The following LIX1 variants were observed in gnomAD, a reference collection of about 807,000 sequenced individuals.
The protein encoded by LIX1 is limb and CNS expressed 1.
LIX1 carries 24 observed loss-of-function variants against 33.4 expected under a neutral mutation model. The ratio of observed to expected loss-of-function variants is 0.72; its 90% CI spans 0.52 to 1.01. The LOEUF is 1.01. Among genes scored for constraint, LIX1 ranks in the 50% least tolerant of loss-of-function variants. The pLI is 0.00. For synonymous variants in LIX1, 124 were observed against 124.0 expected, an observed-to-expected ratio of 1.00 and a Z score of 0.00; for missense variants, 311 against 339.2, an observed-to-expected ratio of 0.92 and a Z score of 0.65.
At chr5:97,115,077 CT>C (rs978307564) in intron 2 of LIX1, among the ~76,000 whole-genome samples, 7 of 152,320 alleles carry the variant, frequency 4.6e-5, no homozygotes, top group African/African-American at 1.7e-4. Flanking sequence ...CTCAATTTCA[CT>C]TCTCTGCTTA....
intron 1 of LIX1, among the ~76,000 whole-genome samples, chr5:97,127,126 G>A (rs1747946487): frequency 6.6e-6 from 1 of 152,150 alleles, no homozygotes. Flanking sequence ...ATGTCCTAAA[G>A]ATTGAAGACT....
intron 1 of LIX1, among the ~76,000 whole-genome samples, chr5:97,135,489 C>T (rs1299369134): frequency 1.3e-5 from 2 of 152,144 alleles, no homozygotes; most frequent in Admixed American, 6.5e-5. Context: ...ATATCTTTCT[C>T]ACATTCTATT....
At chr5:97,105,056 G>A (rs1746939064) in intron 4 of LIX1, 134 bp downstream of exon 4, 1 of 728,972 alleles carries the variant, frequency 1.4e-6, no homozygotes, top group Non-Finnish European at 2.4e-6. Context: ...ATTCCAGGAG[G>A]GTTAGATTAA....
intron 1 of LIX1, among the ~76,000 whole-genome samples, chr5:97,126,137 A>C (rs1747914198): frequency 6.6e-6 from 1 of 152,238 alleles, no homozygotes; most frequent in South Asian, 2.1e-4. Flanking sequence ...TAAACAGTCA[A>C]CACTCATGTT....
rs116054307 is a variant in LIX1, at chr5:97,127,093, T to A, written c.83-2464A>T. On this transcript the variant is annotated intron_variant, in intron 1 of 5. Coordinates refer to ENST00000274382, the MANE Select transcript of LIX1 (RefSeq NM_153234.5). ...AGCTGACTTGAGTCTCTGCTTGCAG[T>A]TGACCTCCAGAAGTCAGCAGAGATG... Among the ~76,000 whole-genome samples the A allele has an allele frequency of 6.9e-3, 1,046 of 152,312 alleles. 4 individuals are homozygous for A. The highest frequency in any genetic ancestry group is 0.011 in the Admixed American group (171 of 15,302).
intron 3 of LIX1, 86 bp downstream of exon 3, chr5:97,107,274 A>T (rs559100888): frequency 3.6e-5 from 47 of 1,316,870 alleles, no homozygotes; most frequent in Non-Finnish European, 4.9e-5. Context: ...TAAAATAAGA[A>T]TTTGCTCATG....
chr5:97,105,396 A>T lies in LIX1; in HGVS notation c.388-111T>A, dbSNP rs138569217. On this transcript the variant is annotated intron_variant, in intron 3 of 5. Coordinates refer to ENST00000274382, the MANE Select transcript of LIX1 (RefSeq NM_153234.5). ...GTAAGCCTATTTTTGGTCTAACCTG[A>T]ACAGATGTTCACAACCAAGTCTCCA... The T allele has an allele frequency of 1.1e-5, 9 of 786,528 alleles. No homozygotes were observed. In the East Asian group the frequency reaches 2.4e-4, roughly 21 times the overall value. The allele number at this position is 786,528 out of a possible 1,614,324, so 48.7% of individuals were successfully genotyped here. A position where few individuals can be genotyped will look rare whatever the true frequency, so the allele number is the denominator to read the frequency against.
intron 4 of LIX1, chr5:97,101,939 A>G (rs1746724093): frequency 6.6e-6 from 1 of 152,004 alleles, no homozygotes; most frequent in African/African-American, 2.4e-5. Context: ...TAAATAAACA[A>G]CTCTTCCTTG....
chr5:97,098,151 TAATG>T (rs1170122236), intron 4 of LIX1, among the ~76,000 whole-genome samples: 2 of 152,234 alleles, frequency 1.3e-5, no homozygotes, highest in Non-Finnish European at 2.9e-5. Flanking sequence ...ATAAAGCATA[TAATG>T]AACAAACTAC....
intron 2 of LIX1, among the ~76,000 whole-genome samples, chr5:97,120,224 A>G (rs1747744557): frequency 6.6e-6 from 1 of 152,198 alleles, no homozygotes; most frequent in Non-Finnish European, 1.5e-5. Context: ...GAATGATCTT[A>G]GCTGACTATT....
At position 97,099,958 on chromosome 5, in the gene LIX1, A is replaced by G. The variant is rs1011578666; in HGVS notation, c.484-3071T>C. On this transcript the variant is annotated intron_variant, in intron 4 of 5. Coordinates refer to ENST00000274382, the MANE Select transcript of LIX1 (RefSeq NM_153234.5). Reference sequence around the variant, plus strand: ...ATTTTGTGGCTTCCTATAGCTATCTATCTTGGCATTGTTCTTGCATCCTTG... The same window carrying G: ...ATTTTGTGGCTTCCTATAGCTATCTGTCTTGGCATTGTTCTTGCATCCTTG... Among the ~76,000 whole-genome samples, 4 of 152,166 alleles carry G rather than the reference A, an allele frequency of 2.6e-5. No individual in the cohort carries two copies. The East Asian group carries it at 7.7e-4, about 29-fold the overall frequency.
rs31014 is a variant in LIX1 at position 97,105,892 on chromosome 5, C to T, written c.388-607G>A. On this transcript the variant is annotated intron_variant, in intron 3 of 5. Coordinates refer to ENST00000274382, the MANE Select transcript of LIX1 (RefSeq NM_153234.5). ...GGGGAATGGCGCTAAGAAGCTAACA[C>T]GACTCTGGCGTGGCTTTTGGGCCAG... 5.8e-4 allele frequency among the ~76,000 whole-genome samples: 88 copies of T among 152,300 alleles called. 2 individuals are homozygous for T. The South Asian group carries it at 8.9e-3, about 15-fold the overall frequency.
At chr5:97,103,123 C>T (rs1480931620) in intron 4 of LIX1, 2 of 438,874 alleles carry the variant, frequency 4.6e-6, no homozygotes, top group Admixed American at 5.1e-5. Context: ...AGTTTATATT[C>T]TTTCTCTTGA....
chr5:97,126,703 G>A (rs1477675105), intron 1 of LIX1, among the ~76,000 whole-genome samples: 1 of 142,926 alleles, frequency 7.0e-6, no homozygotes, highest in East Asian at 2.1e-4. Flanking sequence ...GCAGTGGCAC[G>A]ATCTCGGCTC....
intron 1 of LIX1, among the ~76,000 whole-genome samples, chr5:97,128,686 A>G (rs1294133245): frequency 1.3e-5 from 2 of 152,186 alleles, no homozygotes; most frequent in African/African-American, 4.8e-5. Flanking sequence ...TGATGTTATC[A>G]TCTACCTAGT....
At chr5:97,137,104 C>A (rs1325622009) in intron 1 of LIX1, 2 of 445,632 alleles carry the variant, frequency 4.5e-6, no homozygotes, top group Admixed American at 4.8e-5. Flanking sequence ...AGAAACTCAC[C>A]CTTATGCATC....
intron 1 of LIX1, 121 bp from the exon 2 acceptor site, chr5:97,124,750 A>T (rs1747874793): frequency 1.5e-6 from 1 of 661,282 alleles, no homozygotes; most frequent in Non-Finnish European, 2.5e-6. Flanking sequence ...AGAGCTGGGT[A>T]TGTGGATAGT....
At chr5:97,127,831 G>A (rs144614946) in intron 1 of LIX1, among the ~76,000 whole-genome samples, 439 of 152,288 alleles carry the variant, frequency 2.9e-3, no homozygotes, top group African/African-American at 9.9e-3. Flanking sequence ...GCTACCAAGT[G>A]TGCAATATCC....
At chr5:97,141,283 G>A (rs531053787) in intron 1 of LIX1, among the ~76,000 whole-genome samples, 6 of 152,036 alleles carry the variant, frequency 3.9e-5, no homozygotes, top group Admixed American at 2.0e-4. Context: ...TCCCCTTTTC[G>A]CTTAAAAAAC....
Sources: gnomAD v4.1 joint callset for allele counts (sites outside exome capture counted in the v4.1 genomes callset) on GRCh38, gnomAD v4.1.1 for gene constraint, MANE v1.5 for transcripts, NCBI Gene and HGNC (gene_info 2026-07-23, HGNC 2026-07-21) for gene names.